The following ARAP1 variants were observed in gnomAD, a reference collection of about 807,000 sequenced individuals.
ARAP1 encodes the protein ArfGAP with RhoGAP domain, ankyrin repeat and PH domain 1, also known as arf-GAP with Rho-GAP domain, ANK repeat and PH domain-containing protein 1.
A neutral mutation model predicts 172.2 loss-of-function variants in ARAP1; 76 were observed. The observed-to-expected ratio is 0.44, with a 90% CI of 0.37 to 0.53. ARAP1 has a LOEUF of 0.53. Ranked by LOEUF, ARAP1 falls within the 20% of genes least tolerant of loss-of-function variation. ARAP1 has a pLI of 0.00. For missense variants in ARAP1, 1,686 were observed against 1,977.5 expected, an observed-to-expected ratio of 0.85 and a Z score of 2.80; for synonymous variants, 804 against 803.3, an observed-to-expected ratio of 1.00 and a Z score of -0.01.
chr11:72,692,077 G>T (rs1050667167), intron 30 of ARAP1, among the ~76,000 whole-genome samples: 4 of 152,058 alleles, frequency 2.6e-5, no homozygotes, highest in African/African-American at 9.7e-5. Context: ...AACAGTTGGG[G>T]ACCCCTGCTG....
rs1258381885 is a variant in ARAP1 at position 72,741,885 on chromosome 11, G to C, written c.-127-9288C>G. Among the ~76,000 whole-genome samples the C allele has an allele frequency of 6.6e-6, 1 of 152,168 alleles. No individual in the cohort carries two copies. The highest frequency in any genetic ancestry group is 6.5e-5 in the Admixed American group (1 of 15,278). ...AAACCTAAAGCTCCTGCCCACCAAG[G>C]AGGAGGGACTTGGTGGGCTCCTCTG... On this transcript the variant is annotated intron_variant, in intron 1 of 34. Transcript: ENST00000393609. The surrounding 1 kb of genome is among the most constrained non-coding windows in gnomAD (Gnocchi z 4.5).
Position 72,695,093 on chromosome 11 carries a change from G to A in ARAP1, c.3581C>T (p.Pro1194Leu). The change falls in exon 27 of 35, where the codon CCA becomes CTA. Residue 1194 changes from proline to leucine, a missense_variant. Pro to Leu is a moderately conservative substitution (Grantham distance 98). Coordinates refer to ENST00000393609, the MANE Select transcript of ARAP1 (RefSeq NM_001040118.3). The surrounding 1 kb of genome is among the most constrained non-coding windows in gnomAD (Gnocchi z 4.4). ...GAGCTCCTCAGCAGTCATGGATGCTGGGACCTGCAAGGACCAAGGAGGAGA... is the reference window on the plus strand; with the variant it reads ...GAGCTCCTCAGCAGTCATGGATGCTAGGACCTGCAAGGACCAAGGAGGAGA... The part of the protein sequence containing the change: ...KAETEQHIKV[P>L]ASMTAEELTL... 2 of 1,613,946 alleles carry A rather than the reference G, an allele frequency of 1.2e-6. No homozygotes were observed. Among genetic ancestry groups the A allele is most frequent in the Non-Finnish European group, 1.7e-6 (2 of 1,180,014 alleles).
At chr11:72,708,726 G>A (rs1327302027) in intron 11 of ARAP1, among the ~76,000 whole-genome samples, 1 of 152,228 alleles carries the variant, frequency 6.6e-6, no homozygotes, top group African/African-American at 2.4e-5. Flanking sequence ...AGAGGGATGG[G>A]GCCAGATGGG....
At chr11:72,744,939 G>A (rs527271006) in intron 1 of ARAP1, among the ~76,000 whole-genome samples, 40 of 152,330 alleles carry the variant, frequency 2.6e-4, no homozygotes, top group Non-Finnish European at 4.7e-4. Context: ...AGAGACAGAA[G>A]GAAGAGAGCA....
intron 1 of ARAP1, among the ~76,000 whole-genome samples, chr11:72,736,068 G>A (rs1420035862): frequency 1.3e-5 from 2 of 152,166 alleles, no homozygotes; most frequent in Non-Finnish European, 2.9e-5. Flanking sequence ...CTGAGGCAAA[G>A]ACAGAATCAT....
In ARAP1 at chr11:72,699,111, C is replaced by T; in HGVS notation, c.2439-4G>A. ...CACCTCAAAGGTGTGCTCAAAGCTGCAAATACACAGGCCAGGACTCAGGCC... is the reference window on the plus strand; with the variant it reads ...CACCTCAAAGGTGTGCTCAAAGCTGTAAATACACAGGCCAGGACTCAGGCC... On this transcript the variant is annotated splice_polypyrimidine_tract_variant and splice_region_variant and intron_variant, in intron 17 of 34. Transcript: ENST00000393609. This position sits in a 1 kb window ranked among gnomAD's most constrained non-coding sequence, Gnocchi z 4.2. 6.2e-7 allele frequency: 1 copy of T among 1,614,044 alleles called. No homozygotes were observed. The highest frequency in any genetic ancestry group is 8.5e-7 in the Non-Finnish European group (1 of 1,179,990).
chr11:72,686,298 G>T, intron 33 of ARAP1, 107 bp from the exon 34 acceptor site: 1 of 1,404,942 alleles, frequency 7.1e-7, no homozygotes, highest in Non-Finnish European at 9.6e-7. Flanking sequence ...GGTCTGAGAT[G>T]ACACCCTCAG....
chr11:72,707,522 G>GT, intron 11 of ARAP1, 148 bp from the exon 12 acceptor site: 1 of 715,866 alleles, frequency 1.4e-6, no homozygotes, highest in Non-Finnish European at 2.2e-6. Flanking sequence ...GGGAAGGTAG[G>GT]TGTGGACAAA....
intron 5 of ARAP1, 54 bp from the exon 6 acceptor site, chr11:72,712,622 C>G: frequency 6.2e-7 from 1 of 1,606,910 alleles, no homozygotes; most frequent in Non-Finnish European, 8.5e-7. Flanking sequence ...CAGATCACAC[C>G]CACCCGGGGC....
intron 1 of ARAP1, among the ~76,000 whole-genome samples, chr11:72,745,438 T>C (rs1470923875): frequency 6.7e-6 from 1 of 149,160 alleles, no homozygotes; most frequent in Non-Finnish European, 1.5e-5. Context: ...TCTCCTGACC[T>C]TGTGATCCGC....
chr11:72,705,984 A>C, intron 12 of ARAP1, 94 bp from the exon 13 acceptor site: 1 of 1,302,220 alleles, frequency 7.7e-7, no homozygotes, highest in Non-Finnish European at 1.1e-6. Context: ...GGCAGGGATG[A>C]GAGGCCACAG....
chr11:72,732,260 C>G (rs921738687), intron 2 of ARAP1, among the ~76,000 whole-genome samples: 1 of 152,210 alleles, frequency 6.6e-6, no homozygotes, highest in Non-Finnish European at 1.5e-5. Context: ...TACATAAACA[C>G]AGACCTGCAA....
chr11:72,704,034 C>A, intron 14 of ARAP1, 118 bp downstream of exon 14: 1 of 1,358,616 alleles, frequency 7.4e-7, no homozygotes. Context: ...ATCAGTTTCC[C>A]CATATGCCAA....
chr11:72,694,823 C>T lies in ARAP1; in HGVS notation c.3694+157G>A, dbSNP rs2306608. Among the ~76,000 whole-genome samples, 76,736 of 151,966 alleles carry T rather than the reference C, an allele frequency of 0.5. 19,519 individuals are homozygous for T. Among genetic ancestry groups the T allele is most frequent in the Non-Finnish European group, 0.55 (37,219 of 67,942 alleles). On this transcript the variant is annotated intron_variant, in intron 27 of 34. Transcript: ENST00000393609. ...CATAACCTCAATCCCTGCCAGCACC[C>T]TATCACCACCATCACAGAGATCAGT...
chr11:72,685,345 T>G lies in ARAP1; in HGVS notation c.*319A>C. 2 of 409,914 alleles carry G rather than the reference T, an allele frequency of 4.9e-6. No individual in the cohort carries two copies. Among genetic ancestry groups the G allele is most frequent in the South Asian group, 3.0e-5 (1 of 32,882 alleles). The allele number at this position is 409,914 out of a possible 1,614,324, so 25.4% of individuals were successfully genotyped here. ...CCAGGGCCTCACGCCTCTGAAAGGG[T>G]GGTGGTCCTCCCAAGTTCCTGACTT... On this transcript the variant is annotated 3_prime_UTR_variant, in exon 35 of 35. Transcript: ENST00000393609.
Position 72,704,183 on chromosome 11 carries a change from G to T in ARAP1, c.1961C>A (p.Pro654Gln), listed in dbSNP as rs372288555. 6.2e-7 allele frequency: 1 copy of T among 1,614,144 alleles called. No individual in the cohort carries two copies. The highest frequency in any genetic ancestry group is 8.5e-7 in the Non-Finnish European group (1 of 1,180,022). ...CAGCTCCTCCTGGTTGCCAAAGAGC[G>T]GGTGGTAGCGGCGGTACTTGCCCTC... ...YREGKYRRYH[P>Q]LFGNQEELDK... The change falls in exon 14 of 35, where the codon CCG (proline) becomes CAG (glutamine). Residue 654 changes from proline (P) to glutamine (Q), a missense_variant. Pro to Gln is a moderately conservative substitution (Grantham distance 76, BLOSUM62 -1). Coordinates refer to ENST00000393609, the MANE Select transcript of ARAP1 (RefSeq NM_001040118.3).
At chr11:72,707,508 G>T in intron 11 of ARAP1, 134 bp from the exon 12 acceptor site, 8 of 735,490 alleles carry the variant, frequency 1.1e-5, no homozygotes, top group Non-Finnish European at 1.7e-5. Context: ...ATCCCACTCT[G>T]GTAGGGAAGG....
At chr11:72,701,586 T>G in intron 16 of ARAP1, 63 bp downstream of exon 16, 15 of 1,558,430 alleles carry the variant, frequency 9.6e-6, no homozygotes, top group Non-Finnish European at 1.3e-5. Flanking sequence ...AGCCCTGGCT[T>G]CCCTAGCCCT....
intron 1 of ARAP1, among the ~76,000 whole-genome samples, chr11:72,748,293 G>A (rs546087293): frequency 1.3e-3 from 200 of 152,218 alleles, no homozygotes; most frequent in African/African-American, 4.7e-3. Flanking sequence ...AGGCCAAGGC[G>A]GGCGGATCAC....
Sources: allele counts gnomAD v4.1 joint callset (sites outside exome capture counted in the v4.1 genomes callset), GRCh38; gene constraint gnomAD v4.1.1; non-coding constraint Gnocchi (gnomAD v3.1); transcripts MANE v1.5; gene names NCBI Gene and HGNC (gene_info 2026-07-23, HGNC 2026-07-21).